Variants in BRINP1 observed in about 807,000 individuals in gnomAD.
BRINP1 encodes the protein BMP/retinoic acid inducible neural specific 1, also known as BMP/retinoic acid-inducible neural-specific protein 1.
BRINP1 carries 17 observed loss-of-function variants against 72.9 expected under a neutral mutation model. The observed-to-expected ratio is 0.23, with a 90% CI of 0.16 to 0.35. The LOEUF is 0.35. Among genes scored for constraint, BRINP1 ranks in the 10% least tolerant of loss-of-function variants. The pLI, the probability that BRINP1 is intolerant of heterozygous loss-of-function variation, is 1.00. For synonymous variants in BRINP1, 418 were observed against 378.5 expected, an observed-to-expected ratio of 1.10 and a Z score of -1.21; for missense variants, 850 against 1,001.6, an observed-to-expected ratio of 0.85 and a Z score of 2.04.
chr9:119,203,153 A>C (rs1829821835), intron 7 of BRINP1, among the ~76,000 whole-genome samples: 1 of 152,182 alleles, frequency 6.6e-6, no homozygotes, highest in Admixed American at 6.5e-5. Flanking sequence ...AACCCAGTGC[A>C]GTCTCCTATC....
Position 119,215,317 on chromosome 9 carries a change from G to A in BRINP1, c.686-1162C>T, listed in dbSNP as rs76775834. On this transcript the variant is annotated intron_variant, in intron 5 of 7. Coordinates refer to ENST00000265922, the MANE Select transcript of BRINP1 (RefSeq NM_014618.3). ...TTTATTTGGACATGAGCACTACTCT[G>A]GTACCTATGAAAAGTCAGCAGAGTG... Among the ~76,000 whole-genome samples the A allele has an allele frequency of 5.5e-3, 835 of 152,244 alleles. 10 individuals carry two copies. Among genetic ancestry groups the A allele is most frequent in the African/African-American group, 0.019 (800 of 41,544 alleles).
intron 7 of BRINP1, among the ~76,000 whole-genome samples, chr9:119,176,255 C>T (rs1473874198): frequency 6.6e-6 from 1 of 152,040 alleles, no homozygotes; most frequent in Non-Finnish European, 1.5e-5. Flanking sequence ...GTCAAGAGCA[C>T]CTTTCCTAAG....
intron 7 of BRINP1, among the ~76,000 whole-genome samples, chr9:119,199,464 G>A (rs1829780973): frequency 6.6e-6 from 1 of 152,186 alleles, no homozygotes; most frequent in African/African-American, 2.4e-5. Context: ...TGAGCCTGAA[G>A]TTGATGCCCC....
chr9:119,333,936 C>CA, intron 1 of BRINP1, among the ~76,000 whole-genome samples: 1 of 152,310 alleles, frequency 6.6e-6, no homozygotes, highest in East Asian at 1.9e-4. Context: ...GTCAGGCAAA[C>CA]AGCTTGTGTT....
At chr9:119,283,833 TC>T (rs1316236109) in intron 2 of BRINP1, among the ~76,000 whole-genome samples, 1 of 152,242 alleles carries the variant, frequency 6.6e-6, no homozygotes, top group Non-Finnish European at 1.5e-5. Context: ...GCGCCTGGCC[TC>T]CTCTCAGATC....
chr9:119,167,476 C>CATTTCGCAGTAGGGTAGG lies in BRINP1; in HGVS notation c.1876_1893dup (p.Pro626_Asn631dup). The CATTTCGCAGTAGGGTAGG allele has an allele frequency of 6.2e-7, 1 of 1,614,154 alleles. No homozygotes were observed. The highest frequency in any genetic ancestry group is 8.5e-7 in the Non-Finnish European group (1 of 1,180,018). ...AGGTCCACGGGGCCCTGGCCAGTCT[C>CATTTCGCAGTAGGGTAGG]ATTTCGCAGTAGGGTAGGTAGCCGA... On this transcript the variant is annotated inframe_insertion, in exon 8 of 8. Coordinates refer to ENST00000265922, the MANE Select transcript of BRINP1 (RefSeq NM_014618.3). This position sits in a 1 kb window ranked among gnomAD's most constrained non-coding sequence, Gnocchi z 4.3.
At chr9:119,265,711 C>T (rs1420659557) in intron 2 of BRINP1, among the ~76,000 whole-genome samples, 1 of 152,172 alleles carries the variant, frequency 6.6e-6, no homozygotes, top group African/African-American at 2.4e-5. Flanking sequence ...GCTATTCATT[C>T]TTTCAATCAG....
At chr9:119,203,053 T>C (rs1829821052) in intron 7 of BRINP1, among the ~76,000 whole-genome samples, 1 of 151,910 alleles carries the variant, frequency 6.6e-6, no homozygotes, top group Non-Finnish European at 1.5e-5. Flanking sequence ...CACACTACAG[T>C]ATATATATTT....
At chr9:119,263,198 T>C (rs1232269419) in intron 2 of BRINP1, among the ~76,000 whole-genome samples, 2 of 152,150 alleles carry the variant, frequency 1.3e-5, no homozygotes, top group South Asian at 2.1e-4. Flanking sequence ...TGAGAATCCA[T>C]GTTAAAATAC....
At chr9:119,285,427 A>C (rs537330795) in intron 2 of BRINP1, among the ~76,000 whole-genome samples, 21 of 152,304 alleles carry the variant, frequency 1.4e-4, no homozygotes, top group African/African-American at 4.6e-4. Flanking sequence ...TACCATCAAA[A>C]CAATTACATA....
intron 7 of BRINP1, among the ~76,000 whole-genome samples, chr9:119,178,616 A>G (rs968389326): frequency 1.3e-5 from 2 of 152,186 alleles, no homozygotes; most frequent in African/African-American, 4.8e-5. Context: ...ACTTACAACT[A>G]TTGAGTTCTC....
At chr9:119,314,251 G>A (rs535842157) in intron 1 of BRINP1, among the ~76,000 whole-genome samples, 39 of 152,326 alleles carry the variant, frequency 2.6e-4, no homozygotes, top group East Asian at 1.2e-3. Context: ...GTGGTGCTGC[G>A]AGGGTGAAAT....
intron 4 of BRINP1, among the ~76,000 whole-genome samples, chr9:119,238,998 C>T (rs1161652852): frequency 2.0e-5 from 3 of 152,206 alleles, no homozygotes; most frequent in Non-Finnish European, 4.4e-5. Context: ...CTGGTTCTCA[C>T]TTCACACGGT....
chr9:119,355,350 T>C (rs913572020), intron 1 of BRINP1, among the ~76,000 whole-genome samples: 3 of 152,234 alleles, frequency 2.0e-5, no homozygotes, highest in Admixed American at 6.5e-5. Context: ...ATGTGAGGCA[T>C]GTTGCGAAGT....
At chr9:119,365,208 T>C (rs1444052344) in intron 1 of BRINP1, among the ~76,000 whole-genome samples, 1 of 152,254 alleles carries the variant, frequency 6.6e-6, no homozygotes, top group African/African-American at 2.4e-5. Flanking sequence ...AGAAGACTTC[T>C]TGGAAGGGTC....
intron 2 of BRINP1, among the ~76,000 whole-genome samples, chr9:119,297,067 C>T (rs1387690537): frequency 2.0e-5 from 3 of 151,900 alleles, no homozygotes; most frequent in African/African-American, 4.8e-5. Flanking sequence ...GTGATGGACA[C>T]CTTAATTAGC....
intron 2 of BRINP1, among the ~76,000 whole-genome samples, chr9:119,251,451 A>G (rs1016728220): frequency 4.6e-5 from 7 of 152,156 alleles, no homozygotes; most frequent in Non-Finnish European, 8.8e-5. Flanking sequence ...AGTGTGGTTA[A>G]AAACAAAAAC....
chr9:119,269,919 A>T (rs1411559485), intron 2 of BRINP1, among the ~76,000 whole-genome samples: 1 of 152,196 alleles, frequency 6.6e-6, no homozygotes, highest in African/African-American at 2.4e-5. Flanking sequence ...ATAAATAATA[A>T]ATATTTTAAA....
chr9:119,321,305 C>T (rs533490778), intron 1 of BRINP1, among the ~76,000 whole-genome samples: 94 of 152,268 alleles, frequency 6.2e-4, no homozygotes, highest in African/African-American at 2.2e-3. Context: ...CCTCATACCA[C>T]AAAGCTGGCA....
Sources: gnomAD v4.1 joint callset for allele counts (sites outside exome capture counted in the v4.1 genomes callset) on GRCh38, gnomAD v4.1.1 for gene constraint, Gnocchi (gnomAD v3.1) non-coding constraint, MANE v1.5 for transcripts, NCBI Gene and HGNC (gene_info 2026-07-23, HGNC 2026-07-21) for gene names.